Variants in SENP7 observed in about 807,000 individuals in gnomAD.
The protein encoded by SENP7 is SUMO specific peptidase 7, also known as sentrin-specific protease 7.
In SENP7, 64 loss-of-function variants were observed where a neutral mutation model predicts 141.2. The ratio of observed to expected loss-of-function variants is 0.45; its 90% CI spans 0.37 to 0.56. The LOEUF (loss-of-function observed/expected upper bound fraction) is 0.56, where lower values mean the gene tolerates loss of function less well. Among genes scored for constraint, SENP7 ranks in the 20% least tolerant of loss-of-function variants. The probability of loss-of-function intolerance (pLI) is 0.00; values close to 1 mark genes in which losing one functional copy is unlikely to be tolerated. For synonymous variants in SENP7, 382 were observed against 426.4 expected, an observed-to-expected ratio of 0.90 and a Z score of 1.28; for missense variants, 1,025 against 1,212.2, an observed-to-expected ratio of 0.85 and a Z score of 2.29.
At position 101,513,101 on chromosome 3, in the gene SENP7, T is replaced by A. The variant is rs779790524; in HGVS notation, c.30A>T (p.Pro10=). The stretch of plus-strand genomic sequence containing the variant: ...CTGACCCTTTCTCACCGGATGAAGA[T>A]GGCCGTCGCCCGAGCTTTCTCTTGT... MDKRKLGRR[P]SSSEIITEGK... The change falls in exon 1 of 24, where the codon CCA becomes CCT. Residue 10 remains proline, a synonymous_variant. Coordinates refer to ENST00000394095, the MANE Select transcript of SENP7 (RefSeq NM_020654.5). The A allele has an allele frequency of 1.2e-6, 2 of 1,612,812 alleles. No individual in the cohort carries two copies. The highest frequency in any genetic ancestry group is 1.7e-6 in the Non-Finnish European group (2 of 1,179,804).
At chr3:101,335,102 G>C (rs1186517451) in intron 17 of SENP7, among the ~76,000 whole-genome samples, 1 of 152,190 alleles carries the variant, frequency 6.6e-6, no homozygotes, top group Non-Finnish European at 1.5e-5. Context: ...AATGATTACA[G>C]ATCACGCTGT....
At chr3:101,486,461 TCAAA>T (rs982659796) in intron 3 of SENP7, among the ~76,000 whole-genome samples, 15 of 152,302 alleles carry the variant, frequency 9.8e-5, no homozygotes, top group Middle Eastern at 3.4e-3. Flanking sequence ...TTCAGCCTCC[TCAAA>T]CAAACAATTA....
At chr3:101,442,174 T>A (rs551489692) in intron 4 of SENP7, among the ~76,000 whole-genome samples, 3 of 152,100 alleles carry the variant, frequency 2.0e-5, no homozygotes, top group South Asian at 2.1e-4. Flanking sequence ...ACAATAATTC[T>A]CCAGTAACGT....
In SENP7 at chr3:101,367,825, C is replaced by T; in HGVS notation, c.978+5G>A. ...TTCCTATAATATCTAAATACCTCTA[C>T]TTACTGTCTGTTCTGTTGACTTATC... On this transcript the variant is annotated splice_donor_5th_base_variant and intron_variant, in intron 8 of 23. Coordinates refer to ENST00000394095, the MANE Select transcript of SENP7 (RefSeq NM_020654.5). 1 of 1,550,702 alleles carries T rather than the reference C, an allele frequency of 6.4e-7. No homozygotes were observed. The highest frequency in any genetic ancestry group is 1.2e-5 in the South Asian group (1 of 85,652).
intron 3 of SENP7, among the ~76,000 whole-genome samples, chr3:101,485,081 C>T (rs1389664306): frequency 1.3e-5 from 2 of 151,950 alleles, no homozygotes; most frequent in Non-Finnish European, 2.9e-5. Flanking sequence ...CTCACCCACA[C>T]CCCCCACAGC....
chr3:101,446,325 T>C (rs2062893302), intron 4 of SENP7, among the ~76,000 whole-genome samples: 1 of 152,196 alleles, frequency 6.6e-6, no homozygotes, highest in Admixed American at 6.5e-5. Flanking sequence ...TTTATAGCAA[T>C]GTGAGAATGG....
intron 1 of SENP7, among the ~76,000 whole-genome samples, chr3:101,511,393 G>C (rs1000658047): frequency 1.3e-5 from 2 of 152,088 alleles, no homozygotes; most frequent in African/African-American, 4.8e-5. Context: ...TTTAAAAAAG[G>C]TTGTGCATCT....
chr3:101,355,799 G>T (rs993568189), intron 11 of SENP7, among the ~76,000 whole-genome samples: 1 of 152,076 alleles, frequency 6.6e-6, no homozygotes, highest in African/African-American at 2.4e-5. Flanking sequence ...ACTGCTTTGC[G>T]CAAGATGGCC....
intron 5 of SENP7, among the ~76,000 whole-genome samples, chr3:101,412,480 C>G (rs1165033084): frequency 6.6e-6 from 1 of 152,028 alleles, no homozygotes; most frequent in African/African-American, 2.4e-5. Context: ...CTTTAAAAAT[C>G]TTAAAATGAC....
intron 4 of SENP7, among the ~76,000 whole-genome samples, chr3:101,449,572 C>T (rs1281262617): frequency 6.6e-6 from 1 of 152,134 alleles, no homozygotes; most frequent in Non-Finnish European, 1.5e-5. Context: ...ATTCAACATT[C>T]TCAAAGAAAA....
intron 1 of SENP7, among the ~76,000 whole-genome samples, chr3:101,512,886 C>T (rs1390214722): frequency 6.6e-6 from 1 of 152,064 alleles, no homozygotes; most frequent in Non-Finnish European, 1.5e-5. Flanking sequence ...TGAAGAGCGC[C>T]CGAGGCTTCG....
intron 6 of SENP7, among the ~76,000 whole-genome samples, chr3:101,374,225 AG>A (rs1204673921): frequency 1.3e-5 from 2 of 152,294 alleles, no homozygotes; most frequent in Non-Finnish European, 1.5e-5. Flanking sequence ...TTTTCAATAA[AG>A]GGTGCTGTGA....
chr3:101,469,741 G>A lies in SENP7; in HGVS notation c.187-10689C>T, dbSNP rs1363898640. On this transcript the variant is annotated intron_variant, in intron 3 of 23. Transcript: ENST00000394095. The stretch of plus-strand genomic sequence containing the variant: ...CGGGAGGCTGAGGCAGGAGAATGGC[G>A]TGAACCTGGGAAGCGGAGCTTGCAG... 8.6e-5 allele frequency among the ~76,000 whole-genome samples: 9 copies of A among 104,424 alleles called. 1 individual carries two copies. In the East Asian group the frequency reaches 1.6e-3, roughly 18 times the overall value. The allele number at this position is 104,424 out of a possible 152,430, so 68.5% of individuals were successfully genotyped here.
intron 4 of SENP7, among the ~76,000 whole-genome samples, chr3:101,422,957 A>G (rs140692488): frequency 6.6e-6 from 1 of 152,310 alleles, no homozygotes; most frequent in East Asian, 1.9e-4. Context: ...AGCTTGGCCA[A>G]ATAAATTCAG....
In SENP7 at chr3:101,366,711, T is replaced by C. The variant is rs2060046814; in HGVS notation, c.1037A>G (p.Tyr346Cys). The change falls in exon 9 of 24, where the codon TAT becomes TGT. Residue 346 changes from tyrosine (Y) to cysteine (C), a missense_variant. Physicochemically the swap from Tyr to Cys is radical, Grantham distance 194. This residue lies in a region of SENP7 where 496 missense variants were observed against 503.5 expected (regional missense o/e 0.99). Transcript: ENST00000394095. ...STEFEKPSEN[Y>C]HQDPKLPEEI... Reference sequence around the variant, plus strand: ...TTCAGGCAGTTTTGGATCCTGATGATAGTTTTCACTTGGCTTTTCAAACTC... The same window carrying C: ...TTCAGGCAGTTTTGGATCCTGATGACAGTTTTCACTTGGCTTTTCAAACTC... 1.2e-6 allele frequency: 2 copies of C among 1,612,050 alleles called. No homozygotes were observed. Among genetic ancestry groups the C allele is most frequent in the South Asian group, 2.2e-5 (2 of 90,764 alleles).
chr3:101,501,074 G>T lies in SENP7; in HGVS notation c.86C>A (p.Ser29Ter). Reference protein sequence around the residue: ...GKRKKSSSDLSEIRKMLNAKP... With the variant: ...GKRKKSSSDL ...AAAAGCAAAACAAATGCATACCTCCGATAAATCAGAAGATGACTTTTTCCT... is the reference window on the plus strand; with the variant it reads ...AAAAGCAAAACAAATGCATACCTCCTATAAATCAGAAGATGACTTTTTCCT... The change falls in exon 2 of 24, where the codon TCG becomes TAG. Residue 29 changes from serine (S) to a stop codon, truncating the protein, a stop_gained. Coordinates refer to ENST00000394095, the MANE Select transcript of SENP7 (RefSeq NM_020654.5). LOFTEE classifies it high-confidence loss of function. 6.2e-7 allele frequency: 1 copy of T among 1,601,498 alleles called. No individual in the cohort carries two copies. The highest frequency in any genetic ancestry group is 8.5e-7 in the Non-Finnish European group (1 of 1,171,694).
chr3:101,387,070 C>G (rs1269226879), intron 6 of SENP7, among the ~76,000 whole-genome samples: 1 of 152,196 alleles, frequency 6.6e-6, no homozygotes, highest in East Asian at 1.9e-4. Context: ...CATGCCTTCC[C>G]TGGCCACTGC....
At chr3:101,358,346 G>A (rs1360807486) in intron 11 of SENP7, 1 of 648,406 alleles carries the variant, frequency 1.5e-6, no homozygotes, top group South Asian at 1.5e-5. Context: ...AACCTACAGA[G>A]TCAATAATGT....
chr3:101,405,487 C>A (rs967061739), intron 5 of SENP7, among the ~76,000 whole-genome samples: 6 of 152,148 alleles, frequency 3.9e-5, no homozygotes, highest in Non-Finnish European at 5.9e-5. Flanking sequence ...GACAAGGAAC[C>A]AGAAAACCAA....
Sources: gnomAD v4.1 joint callset for allele counts (sites outside exome capture counted in the v4.1 genomes callset) on GRCh38, gnomAD v4.1.1 for gene constraint, gnomAD v4.1.1 regional missense constraint, MANE v1.5 for transcripts, NCBI Gene and HGNC (gene_info 2026-07-23, HGNC 2026-07-21) for gene names.